The following XKR9 variants were observed in gnomAD, a reference collection of about 807,000 sequenced individuals.
XKR9 encodes the protein XK related 9.
In XKR9, 32 loss-of-function variants were observed where a neutral mutation model predicts 32.0. The ratio of observed to expected loss-of-function variants is 1.00; its 90% CI spans 0.76 to 1.34. The LOEUF (loss-of-function observed/expected upper bound fraction) is 1.34. XKR9 is among the 40% of genes most tolerant of loss of function. The pLI is 0.00. For missense variants in XKR9, 546 were observed against 429.7 expected, an observed-to-expected ratio of 1.27 and a Z score of -2.39; for synonymous variants, 168 against 143.4, an observed-to-expected ratio of 1.17 and a Z score of -1.22.
chr8:71,027,565 A>G, the XKR9 span, among the ~76,000 whole-genome samples: 5 of 151,686 alleles, frequency 3.3e-5, no homozygotes, highest in African/African-American at 1.2e-4. Flanking sequence ...TCACCTGAGT[A>G]CTTTTTGGAT....
intron 4 of XKR9, among the ~76,000 whole-genome samples, chr8:70,718,298 TTTA>T (rs1272024849): frequency 1.4e-5 from 2 of 144,748 alleles, no homozygotes; most frequent in African/African-American, 2.5e-5. Flanking sequence ...TTTATTTATT[TTTA>T]TTATTTATTT....
the XKR9 span, among the ~76,000 whole-genome samples, chr8:70,853,975 C>A: frequency 6.6e-6 from 1 of 152,098 alleles, no homozygotes; most frequent in Non-Finnish European, 1.5e-5. Context: ...GTGAATAGTG[C>A]CACAATAAAC....
chr8:70,857,995 C>T, the XKR9 span, among the ~76,000 whole-genome samples: 1 of 152,200 alleles, frequency 6.6e-6, no homozygotes, highest in African/African-American at 2.4e-5. Flanking sequence ...TAATGAAAAC[C>T]CACAGCCAAT....
the XKR9 span, among the ~76,000 whole-genome samples, chr8:70,898,817 T>C: frequency 6.6e-6 from 1 of 152,020 alleles, no homozygotes; most frequent in Non-Finnish European, 1.5e-5. Flanking sequence ...GTTCTTTTCT[T>C]TCATCACTTT....
At chr8:71,032,409 C>T in the XKR9 span, among the ~76,000 whole-genome samples, 5 of 150,344 alleles carry the variant, frequency 3.3e-5, no homozygotes, top group African/African-American at 1.2e-4. Flanking sequence ...AAGAGGAAAA[C>T]ACTTCCTTAT....
At position 70,671,384 on chromosome 8, in the gene XKR9, C is replaced by T. The variant is rs1191790749; in HGVS notation, c.-361+1846C>T. 3.6e-5 allele frequency among the ~76,000 whole-genome samples: 4 copies of T among 111,282 alleles called. 1 individual carries two copies. Among genetic ancestry groups the T allele is most frequent in the Non-Finnish European group, 8.7e-5 (4 of 45,750 alleles). The allele number at this position is 111,282 out of a possible 152,430, so 73.0% of individuals were successfully genotyped here. On this transcript the variant is annotated intron_variant, in intron 1 of 4. Coordinates refer to ENST00000408926, the MANE Select transcript of XKR9 (RefSeq NM_001011720.2). ...TTTTAGGGTACATGTGCACATTGTG[C>T]AGGTTAGTTACATATGTATACATGT...
At chr8:71,027,151 A>AT in the XKR9 span, among the ~76,000 whole-genome samples, 3 of 151,764 alleles carry the variant, frequency 2.0e-5, no homozygotes, top group Non-Finnish European at 4.4e-5. Flanking sequence ...ATCTGTAAGC[A>AT]TTTTTTTCAG....
At chr8:70,806,906 A>C in the XKR9 span, among the ~76,000 whole-genome samples, 1 of 152,150 alleles carries the variant, frequency 6.6e-6, no homozygotes, top group Admixed American at 6.5e-5. Context: ...AAATTTAGGA[A>C]ATACAGAGAA....
At chr8:70,835,645 A>G in the XKR9 span, among the ~76,000 whole-genome samples, 1 of 152,062 alleles carries the variant, frequency 6.6e-6, no homozygotes, top group Non-Finnish European at 1.5e-5. Flanking sequence ...AATTCCTTGA[A>G]CTACGCTTCT....
chr8:70,790,921 T>C (rs1000344207), downstream of XKR9, among the ~76,000 whole-genome samples: 3 of 152,054 alleles, frequency 2.0e-5, no homozygotes, highest in African/African-American at 7.2e-5. Flanking sequence ...TCTTGCTGTG[T>C]CCTTACATGG....
the XKR9 span, among the ~76,000 whole-genome samples, chr8:70,888,004 T>C: frequency 2.6e-5 from 4 of 152,274 alleles, no homozygotes; most frequent in African/African-American, 9.6e-5. Context: ...CTTTTGCTAG[T>C]TTTCAAAGGG....
intron 2 of XKR9, among the ~76,000 whole-genome samples, chr8:70,742,518 A>G (rs775517433): frequency 6.6e-6 from 1 of 152,206 alleles, no homozygotes; most frequent in African/African-American, 2.4e-5. Context: ...TTAAATGTCT[A>G]TGTGTTATTA....
At chr8:70,740,651 A>T (rs1806956213), downstream of XKR9, among the ~76,000 whole-genome samples, 1 of 152,018 alleles carries the variant, frequency 6.6e-6, no homozygotes, top group East Asian at 1.9e-4. Flanking sequence ...TTTGGTGTGG[A>T]TGTCCTTTCT....
chr8:70,983,735 C>T, the XKR9 span, among the ~76,000 whole-genome samples: 4 of 151,774 alleles, frequency 2.6e-5, no homozygotes, highest in Admixed American at 1.3e-4. Flanking sequence ...GAGCCAAGAT[C>T]GCACCATCGC....
the XKR9 span, among the ~76,000 whole-genome samples, chr8:70,935,164 T>C: frequency 7.2e-6 from 1 of 138,236 alleles, no homozygotes; most frequent in African/African-American, 2.7e-5. Context: ...TATATATACA[T>C]ATATACACAT....
intron 2 of XKR9, among the ~76,000 whole-genome samples, chr8:70,759,115 GTCT>G (rs2130202398): frequency 6.6e-6 from 1 of 152,330 alleles, no homozygotes; most frequent in African/African-American, 2.4e-5. Context: ...ACTTTCAAAA[GTCT>G]TCAGAGTAAA....
chr8:70,681,547 G>GT (rs544776159), intron 3 of XKR9, among the ~76,000 whole-genome samples: 216 of 152,036 alleles, frequency 1.4e-3, no homozygotes, highest in African/African-American at 4.9e-3. Flanking sequence ...ATCTAATTAG[G>GT]TTTTTTCTGA....
At chr8:70,980,357 G>A in the XKR9 span, among the ~76,000 whole-genome samples, 1 of 152,206 alleles carries the variant, frequency 6.6e-6, no homozygotes, top group Non-Finnish European at 1.5e-5. Context: ...CATGCTCGGA[G>A]CTCCAGACTG....
the XKR9 span, among the ~76,000 whole-genome samples, chr8:70,872,668 CT>C: frequency 3.3e-5 from 5 of 150,944 alleles, no homozygotes; most frequent in African/African-American, 7.3e-5. Context: ...CAGCTGGTGG[CT>C]TTTTTTTTCA....
Sources: gnomAD v4.1 joint callset for allele counts (sites outside exome capture counted in the v4.1 genomes callset) on GRCh38, gnomAD v4.1.1 for gene constraint, MANE v1.5 for transcripts, NCBI Gene and HGNC (gene_info 2026-07-23, HGNC 2026-07-21) for gene names.